The following SDK2 variants were observed in gnomAD, a reference collection of about 807,000 sequenced individuals.
The protein encoded by SDK2 is sidekick cell adhesion molecule 2, also known as protein sidekick-2.
SDK2 carries 105 observed loss-of-function variants against 253.9 expected under a neutral mutation model. The observed-to-expected ratio is 0.41, with a 90% confidence interval of 0.35 to 0.49. The LOEUF (loss-of-function observed/expected upper bound fraction) is 0.49, where lower values mean the gene tolerates loss of function less well. Among genes scored for constraint, SDK2 ranks in the 20% least tolerant of loss-of-function variants. The pLI is 0.06. For missense variants in SDK2, 2,608 were observed against 3,003.0 expected (o/e 0.87, Z 3.07); for synonymous variants, 1,249 against 1,234.9 (o/e 1.01, Z -0.24).
At chr17:73,599,089 A>T (rs905594498) in intron 1 of SDK2, among the ~76,000 whole-genome samples, 1 of 152,218 alleles carries the variant, frequency 6.6e-6, no homozygotes, top group African/African-American at 2.4e-5. Flanking sequence ...TTCCAACTGA[A>T]GTCTCCGAGC....
chr17:73,368,320 C>T, intron 37 of SDK2, 87 bp downstream of exon 37: 1 of 1,260,124 alleles, frequency 7.9e-7, no homozygotes, highest in Non-Finnish European at 1.0e-6. Context: ...GCCCCCATGC[C>T]TGCCAAGAGC....
chr17:73,351,443 G>A (rs1323613835), intron 41 of SDK2, among the ~76,000 whole-genome samples: 1 of 152,086 alleles, frequency 6.6e-6, no homozygotes, highest in Non-Finnish European at 1.5e-5. Flanking sequence ...TTGTCTAGGA[G>A]CTATCTTGAT....
chr17:73,392,935 T>C (rs985874483), intron 27 of SDK2, among the ~76,000 whole-genome samples: 8 of 152,152 alleles, frequency 5.3e-5, no homozygotes, highest in Non-Finnish European at 1.2e-4. Context: ...AAAGTGAACC[T>C]GCTCCAGTTG....
At chr17:73,432,815 T>G (rs1290543018) in intron 10 of SDK2, among the ~76,000 whole-genome samples, 1 of 149,614 alleles carries the variant, frequency 6.7e-6, no homozygotes, top group African/African-American at 2.4e-5. Context: ...TGTGTGCACA[T>G]GTGTATGTAC....
intron 1 of SDK2, among the ~76,000 whole-genome samples, chr17:73,547,792 G>A (rs1278996347): frequency 6.6e-6 from 1 of 152,156 alleles, no homozygotes; most frequent in African/African-American, 2.4e-5. Flanking sequence ...TGTTCTTAAT[G>A]GCTGTGTTAG....
At chr17:73,581,475 A>G (rs925141) in intron 1 of SDK2, among the ~76,000 whole-genome samples, 38,237 of 152,096 alleles carry the variant, frequency 0.25, 5,787 homozygotes, top group African/African-American at 0.42. Flanking sequence ...GGGTCCACAT[A>G]CCAGCCCCGC....
intron 3 of SDK2, among the ~76,000 whole-genome samples, chr17:73,461,500 C>T (rs1334185426): frequency 6.6e-6 from 1 of 152,134 alleles, no homozygotes; most frequent in Admixed American, 6.5e-5. Context: ...TAGGTATTCC[C>T]TAGGGGTGTA....
rs1013469312 is a variant in SDK2 at position 73,455,873 on chromosome 17, C to A, written c.479+33G>T. 6.7e-5 allele frequency: 101 copies of A among 1,508,830 alleles called. No individual in the cohort carries two copies. The highest frequency in any genetic ancestry group is 8.9e-5 in the Non-Finnish European group (100 of 1,126,434). The allele number at this position is 1,508,830 out of a possible 1,614,324, so 93.5% of individuals were successfully genotyped here. A position where few individuals can be genotyped will look rare whatever the true frequency, so the allele number is the denominator to read the frequency against. On this transcript the variant is annotated intron_variant, in intron 4 of 44. Coordinates refer to ENST00000392650, the MANE Select transcript of SDK2 (RefSeq NM_001144952.2). The surrounding 1 kb of genome is among the most constrained non-coding windows in gnomAD (Gnocchi z 5.0). ...CAAACCTCCTCCCCCAGACACCCCTCCCCTCCCCGTCCCCTCAGAGCGATG... is the reference window on the plus strand; with the variant it reads ...CAAACCTCCTCCCCCAGACACCCCTACCCTCCCCGTCCCCTCAGAGCGATG...
At chr17:73,590,424 G>T (rs763855099) in intron 1 of SDK2, among the ~76,000 whole-genome samples, 1 of 152,248 alleles carries the variant, frequency 6.6e-6, no homozygotes, top group Admixed American at 6.5e-5. Context: ...AGCTGACTTT[G>T]CTCGTTGCCA....
rs1439519646 is a variant in SDK2 at position 73,334,901 on chromosome 17, A to C, written c.*3686T>G. The C allele has an allele frequency of 6.6e-6, 1 of 152,304 alleles. No individual in the cohort carries two copies. Among genetic ancestry groups the C allele is most frequent in the African/African-American group, 2.4e-5 (1 of 41,450 alleles). The allele number at this position is 152,304 out of a possible 1,614,324, so 9.4% of individuals were successfully genotyped here. On this transcript the variant is annotated 3_prime_UTR_variant, in exon 45 of 45. Coordinates refer to ENST00000392650, the MANE Select transcript of SDK2 (RefSeq NM_001144952.2). ...GCACCTTCAGATGTGCACTCTGGGA[A>C]GCTGAGGGAAGCCCCTGCCCAGCCA...
chr17:73,599,007 C>T (rs367706460), intron 1 of SDK2, among the ~76,000 whole-genome samples: 24 of 152,356 alleles, frequency 1.6e-4, no homozygotes, highest in Admixed American at 2.6e-4. Flanking sequence ...CTGAAGAAAA[C>T]GGACTTTTCC....
At chr17:73,483,307 C>CTTTTT (rs3070666) in intron 2 of SDK2, among the ~76,000 whole-genome samples, 8 of 116,928 alleles carry the variant, frequency 6.8e-5, no homozygotes, top group East Asian at 2.4e-4. Flanking sequence ...CAAGACAGAA[C>CTTTTT]TTTTTTTTTT....
In SDK2 at chr17:73,541,098, C is replaced by G. The variant is rs1170367020; in HGVS notation, c.65-33501G>C. Among the ~76,000 whole-genome samples, 5 of 152,366 alleles carry G rather than the reference C, an allele frequency of 3.3e-5. 1 individual carries two copies. The highest frequency in any genetic ancestry group is 3.3e-4 in the Admixed American group (5 of 15,310). On this transcript the variant is annotated intron_variant, in intron 1 of 44. Transcript: ENST00000392650. The surrounding 1 kb of genome is among the most constrained non-coding windows in gnomAD (Gnocchi z 4.3). ...CTGCCAGTGTCTGCCCAGCCCCTAA[C>G]ATGGGGCACCCCTCCCGCTACTCCT...
At chr17:73,442,044 G>T in intron 5 of SDK2, among the ~76,000 whole-genome samples, 1 of 152,274 alleles carries the variant, frequency 6.6e-6, no homozygotes, top group African/African-American at 2.4e-5. Flanking sequence ...CTCATTGAAT[G>T]AAATGAAAGA....
intron 1 of SDK2, among the ~76,000 whole-genome samples, chr17:73,635,771 C>T (rs575668697): frequency 1.3e-5 from 2 of 151,680 alleles, no homozygotes; most frequent in Non-Finnish European, 2.9e-5. Context: ...TTGTGTGGCT[C>T]AGTTACTGGC....
intron 1 of SDK2, among the ~76,000 whole-genome samples, chr17:73,572,011 A>G (rs941534602): frequency 6.6e-6 from 1 of 152,166 alleles, no homozygotes; most frequent in African/African-American, 2.4e-5. Context: ...GCGGGTGCCC[A>G]CAGAGACTCC....
At chr17:73,397,885 C>T (rs1026301767) in intron 24 of SDK2, 150 bp downstream of exon 24, 12 of 889,986 alleles carry the variant, frequency 1.3e-5, no homozygotes, top group African/African-American at 6.8e-5. Flanking sequence ...GGCATTTGTT[C>T]GTTGGGCTAA....
At position 73,361,970 on chromosome 17, in the gene SDK2, G is replaced by C. The variant is rs1351604762; in HGVS notation, c.5306-125C>G. Reference sequence around the variant, plus strand: ...CTGGGTAGGGGCCTCACTCCTTGAGGTCAGGCTGAAATGCACCCCCAGCCC... The same window carrying C: ...CTGGGTAGGGGCCTCACTCCTTGAGCTCAGGCTGAAATGCACCCCCAGCCC... On this transcript the variant is annotated intron_variant, in intron 38 of 44. Transcript: ENST00000392650. This position sits in a 1 kb window ranked among gnomAD's most constrained non-coding sequence, Gnocchi z 4.1. 1 of 898,788 alleles carries C rather than the reference G, an allele frequency of 1.1e-6. No individual in the cohort carries two copies. The highest frequency in any genetic ancestry group is 1.7e-5 in the African/African-American group (1 of 59,688). 55.7% of individuals were successfully genotyped at this position (898,788 alleles called of 1,614,324 possible).
intron 38 of SDK2, 81 bp downstream of exon 38, chr17:73,365,174 TGTA>T: frequency 9.9e-7 from 1 of 1,012,320 alleles, no homozygotes; most frequent in Non-Finnish European, 1.4e-6. Context: ...CTCACTCATG[TGTA>T]GTGGCTGTGA....
Sources: allele counts gnomAD v4.1 joint callset (sites outside exome capture counted in the v4.1 genomes callset), GRCh38; gene constraint gnomAD v4.1.1; non-coding constraint Gnocchi (gnomAD v3.1); transcripts MANE v1.5; gene names NCBI Gene and HGNC (gene_info 2026-07-23, HGNC 2026-07-21).